TSC22D1: variants seen among roughly 807,000 people sequenced by gnomAD.
TSC22D1 encodes TSC22 domain family member 1, also known as TSC22 domain family protein 1.
A neutral mutation model predicts 74.2 loss-of-function variants in TSC22D1; 9 were observed. The ratio of observed to expected loss-of-function variants is 0.12; its 90% confidence interval spans 0.07 to 0.21. TSC22D1 has a LOEUF of 0.21. Among genes scored for constraint, TSC22D1 ranks in the 10% least tolerant of loss-of-function variants. The probability of loss-of-function intolerance (pLI) is 1.00; values close to 1 mark genes in which losing one functional copy is unlikely to be tolerated. For missense variants in TSC22D1, 1,427 were observed against 1,304.7 expected (o/e 1.09, Z -1.44); for synonymous variants, 586 against 492.5 (o/e 1.19, Z -2.51).
chr13:44,569,460 T>C (rs1883604907), intron 1 of TSC22D1, among the ~76,000 whole-genome samples: 1 of 152,216 alleles, frequency 6.6e-6, no homozygotes, highest in Admixed American at 6.5e-5. Flanking sequence ...CATTTATTTC[T>C]TGGAAAACCA....
intron 1 of TSC22D1, among the ~76,000 whole-genome samples, chr13:44,532,729 T>A (rs1348725823): frequency 2.0e-5 from 3 of 152,146 alleles, no homozygotes; most frequent in Admixed American, 2.0e-4. Flanking sequence ...TGCCTCAGCC[T>A]CCCGAAGTGC....
intron 1 of TSC22D1, among the ~76,000 whole-genome samples, chr13:44,488,975 G>A (rs1878577028): frequency 6.6e-6 from 1 of 151,214 alleles, no homozygotes; most frequent in Non-Finnish European, 1.5e-5. Flanking sequence ...AATAGCCATG[G>A]CATCTTAAAG....
At chr13:44,537,153 GAT>G (rs1881196899) in intron 1 of TSC22D1, 1 of 878,800 alleles carries the variant, frequency 1.1e-6, no homozygotes. Context: ...ACATAATACA[GAT>G]ATTACACAAT....
chr13:44,438,252 G>A (rs1005218150), intron 1 of TSC22D1, among the ~76,000 whole-genome samples: 8 of 152,282 alleles, frequency 5.3e-5, no homozygotes, highest in Non-Finnish European at 1.2e-4. Context: ...AGATAAAATT[G>A]TGTCATCACA....
chr13:44,561,658 A>G (rs939676762), intron 1 of TSC22D1, among the ~76,000 whole-genome samples: 2 of 152,156 alleles, frequency 1.3e-5, no homozygotes, highest in African/African-American at 4.8e-5. Context: ...TCTGACTCCC[A>G]ATACTCCTTT....
intron 1 of TSC22D1, among the ~76,000 whole-genome samples, chr13:44,532,186 C>A (rs1387704548): frequency 6.6e-6 from 1 of 152,136 alleles, no homozygotes; most frequent in East Asian, 1.9e-4. Flanking sequence ...GAGTCAATTT[C>A]TTTTATAAGC....
chr13:44,534,230 AG>A (rs760879773), intron 1 of TSC22D1, among the ~76,000 whole-genome samples: 7 of 139,700 alleles, frequency 5.0e-5, no homozygotes, highest in African/African-American at 1.4e-4. Flanking sequence ...TGTCTCAAGG[AG>A]AAAAAAAAAA....
intron 1 of TSC22D1, among the ~76,000 whole-genome samples, chr13:44,507,468 A>C (rs887536081): frequency 2.6e-5 from 4 of 151,624 alleles, no homozygotes; most frequent in African/African-American, 9.7e-5. Context: ...ATCTTACTTT[A>C]CTTTTTTTTT....
intron 1 of TSC22D1, among the ~76,000 whole-genome samples, chr13:44,562,025 A>G (rs1883074861): frequency 1.3e-5 from 2 of 152,154 alleles, no homozygotes; most frequent in African/African-American, 4.8e-5. Flanking sequence ...CAATTTCAAA[A>G]TGACCTTTAA....
chr13:44,541,487 C>T lies in TSC22D1; in HGVS notation c.2912+31676G>A, dbSNP rs542586079. ...AACTGGAAAGAAGAAGGTGAAACTGCCATCTAACAAGAGGTATCAAATAAT... is the reference window on the plus strand; with the variant it reads ...AACTGGAAAGAAGAAGGTGAAACTGTCATCTAACAAGAGGTATCAAATAAT... On this transcript the variant is annotated intron_variant, in intron 1 of 2. Transcript: ENST00000458659. Among the ~76,000 whole-genome samples the T allele has an allele frequency of 2.0e-5, 3 of 152,192 alleles. No homozygotes were observed. The South Asian group carries it at 6.2e-4, about 32-fold the overall frequency.
intron 1 of TSC22D1, among the ~76,000 whole-genome samples, chr13:44,454,063 A>C (rs144774169): frequency 2.2e-3 from 328 of 152,372 alleles, no homozygotes; most frequent in African/African-American, 7.6e-3. Flanking sequence ...GTGACAAAGC[A>C]TAAGTTCCAT....
intron 1 of TSC22D1, among the ~76,000 whole-genome samples, chr13:44,462,587 A>G (rs188798956): frequency 5.2e-4 from 79 of 152,314 alleles, no homozygotes; most frequent in African/African-American, 1.8e-3. Context: ...AATGTGTACA[A>G]TTACAGCACA....
rs185011372 is a variant in TSC22D1 at position 44,456,562 on chromosome 13, G to C, written c.2913-20467C>G. Among the ~76,000 whole-genome samples the C allele has an allele frequency of 4.1e-3, 631 of 152,316 alleles. 5 individuals carry two copies. Among genetic ancestry groups the C allele is most frequent in the African/African-American group, 0.014 (582 of 41,562 alleles). On this transcript the variant is annotated intron_variant, in intron 1 of 2. Transcript: ENST00000458659. ...GTTCTCCAAGTCCCCACCCGACCCAGAAGCCCAGCCGGCTTCACCTTTCAC... is the reference window on the plus strand; with the variant it reads ...GTTCTCCAAGTCCCCACCCGACCCACAAGCCCAGCCGGCTTCACCTTTCAC...
intron 1 of TSC22D1, among the ~76,000 whole-genome samples, chr13:44,511,961 C>T (rs2138012715): frequency 6.6e-6 from 1 of 152,230 alleles, no homozygotes; most frequent in South Asian, 2.1e-4. Flanking sequence ...AAAGTTGTAC[C>T]TTCAACCTTC....
chr13:44,472,769 C>A (rs1054274437), intron 1 of TSC22D1, among the ~76,000 whole-genome samples: 1 of 152,168 alleles, frequency 6.6e-6, no homozygotes, highest in African/African-American at 2.4e-5. Flanking sequence ...ATGACCTAAT[C>A]TTCAAGGAAA....
intron 1 of TSC22D1, among the ~76,000 whole-genome samples, chr13:44,564,047 A>C (rs535375880): frequency 6.6e-6 from 1 of 152,332 alleles, no homozygotes; most frequent in South Asian, 2.1e-4. Flanking sequence ...CACAGCAAAA[A>C]GTAAATCAGT....
chr13:44,487,524 A>G (rs1566135765), intron 1 of TSC22D1, among the ~76,000 whole-genome samples: 1 of 149,286 alleles, frequency 6.7e-6, no homozygotes, highest in Non-Finnish European at 1.5e-5. Flanking sequence ...AAAAAAAAAA[A>G]AAAGAAAAGA....
intron 1 of TSC22D1, chr13:44,536,934 A>G (rs1881168860): frequency 1.3e-6 from 1 of 787,156 alleles, no homozygotes. Context: ...CTGAAAAAAA[A>G]AAAAAAAAAA....
intron 1 of TSC22D1, among the ~76,000 whole-genome samples, chr13:44,449,305 CT>C (rs1875936413): frequency 6.6e-6 from 1 of 152,230 alleles, no homozygotes; most frequent in African/African-American, 2.4e-5. Flanking sequence ...CAGAGCCACA[CT>C]TGCTGACGGA....
Sources: allele counts gnomAD v4.1 joint callset (sites outside exome capture counted in the v4.1 genomes callset), GRCh38; gene constraint gnomAD v4.1.1; transcripts MANE v1.5; gene names NCBI Gene and HGNC (gene_info 2026-07-23, HGNC 2026-07-21).